The following NLGN1 variants were observed in gnomAD, a reference collection of about 807,000 sequenced individuals.
The protein encoded by NLGN1 is neuroligin 1, also known as neuroligin-1.
Under a neutral mutation model 65.5 loss-of-function variants are expected in NLGN1, and 12 were observed. The ratio of observed to expected loss-of-function variants is 0.18; its 90% CI spans 0.12 to 0.30. The LOEUF (loss-of-function observed/expected upper bound fraction) is 0.30, where lower values mean the gene tolerates loss of function less well. NLGN1 is among the 10% of genes least tolerant of loss of function. The pLI, the probability that NLGN1 is intolerant of heterozygous loss-of-function variation, is 1.00. For missense variants in NLGN1, 750 were observed against 1,007.1 expected, an observed-to-expected ratio of 0.74 and a Z score of 3.46; for synonymous variants, 350 against 359.5, an observed-to-expected ratio of 0.97 and a Z score of 0.30.
chr3:174,253,281 C>CCT (rs772401471), intron 4 of NLGN1, among the ~76,000 whole-genome samples: 1 of 152,112 alleles, frequency 6.6e-6, no homozygotes, highest in Non-Finnish European at 1.5e-5. Flanking sequence ...TCACTCTTTA[C>CCT]AGTAAAGTGC....
chr3:173,628,878 G>A lies in NLGN1; in HGVS notation c.493+23787G>A, dbSNP rs183282770. 3.3e-3 allele frequency among the ~76,000 whole-genome samples: 507 copies of A among 151,924 alleles called. 1 individual carries two copies. Among genetic ancestry groups the A allele is most frequent in the African/African-American group, 0.012 (489 of 41,442 alleles). On this transcript the variant is annotated intron_variant, in intron 3 of 6. Transcript: ENST00000457714. ...CCAGCTAATTTTTGTATTTTTAGTAGAGACAGGGTTTCACCATGTTGGCCA... is the reference window on the plus strand; with the variant it reads ...CCAGCTAATTTTTGTATTTTTAGTAAAGACAGGGTTTCACCATGTTGGCCA...
At chr3:174,083,256 T>C (rs185727037) in intron 4 of NLGN1, among the ~76,000 whole-genome samples, 79 of 152,274 alleles carry the variant, frequency 5.2e-4, no homozygotes, top group Non-Finnish European at 1.2e-4. Flanking sequence ...TGATTCCCCT[T>C]AGCAAGTTAG....
intron 2 of NLGN1, among the ~76,000 whole-genome samples, chr3:173,539,023 C>G (rs1347563862): frequency 1.3e-5 from 2 of 152,076 alleles, no homozygotes; most frequent in African/African-American, 4.8e-5. Flanking sequence ...TATAATCATA[C>G]ATCTGACCAT....
chr3:173,965,077 T>A (rs1175901257), intron 4 of NLGN1, among the ~76,000 whole-genome samples: 3 of 152,114 alleles, frequency 2.0e-5, no homozygotes, highest in Non-Finnish European at 4.4e-5. Flanking sequence ...CTTATAGGTA[T>A]TTTTTTAATA....
intron 4 of NLGN1, among the ~76,000 whole-genome samples, chr3:174,129,399 A>ACACACACACT (rs1161213144): frequency 7.1e-6 from 1 of 140,356 alleles, no homozygotes; most frequent in Non-Finnish European, 1.5e-5. Context: ...ACACACACAC[A>ACACACACACT]CTCATTCATT....
intron 2 of NLGN1, among the ~76,000 whole-genome samples, chr3:173,591,677 A>C (rs1426529862): frequency 1.3e-5 from 2 of 152,248 alleles, no homozygotes; most frequent in African/African-American, 4.8e-5. Flanking sequence ...TTCTCTGGCA[A>C]CAAGGGATTT....
chr3:173,980,325 T>C (rs934016969), intron 4 of NLGN1, among the ~76,000 whole-genome samples: 10 of 152,054 alleles, frequency 6.6e-5, no homozygotes, highest in Non-Finnish European at 1.5e-4. Flanking sequence ...TTCCGTTATT[T>C]AATCATAGTA....
chr3:173,682,578 GAC>G (rs1764094026), intron 3 of NLGN1, among the ~76,000 whole-genome samples: 1 of 101,326 alleles, frequency 9.9e-6, no homozygotes, highest in Admixed American at 1.6e-4. Context: ...GACAGAGTGA[GAC>G]ACTGTCTCAA....
intron 4 of NLGN1, among the ~76,000 whole-genome samples, chr3:174,025,625 TAA>T (rs1728679952): frequency 1.3e-5 from 2 of 152,012 alleles, no homozygotes; most frequent in African/African-American, 2.4e-5. Context: ...AACTTGCTAG[TAA>T]ATAGGAAAAA....
intron 2 of NLGN1, among the ~76,000 whole-genome samples, chr3:173,503,573 AT>A (rs1731518458): frequency 6.6e-6 from 1 of 151,910 alleles, no homozygotes; most frequent in Non-Finnish European, 1.5e-5. Flanking sequence ...AAATTAAATT[AT>A]TTGTTTTTCA....
rs377633862 is a variant in NLGN1, at chr3:173,821,617, G to T, written c.646+13785G>T. Among the ~76,000 whole-genome samples, 15 of 152,108 alleles carry T rather than the reference G, an allele frequency of 9.9e-5. No individual in the cohort carries two copies. The East Asian group carries it at 2.5e-3, about 26-fold the overall frequency. ...GAATATATTTGGCTCTTCTGTTTTAGTATCAATCTGTACTATTTACTAAAG... is the reference window on the plus strand; with the variant it reads ...GAATATATTTGGCTCTTCTGTTTTATTATCAATCTGTACTATTTACTAAAG... On this transcript the variant is annotated intron_variant, in intron 4 of 6. Coordinates refer to ENST00000457714, the Ensembl canonical transcript of NLGN1.
At chr3:174,088,757 A>AAAATAAAT (rs71162375) in intron 4 of NLGN1, among the ~76,000 whole-genome samples, 1,495 of 141,268 alleles carry the variant, frequency 0.011, 11 homozygotes, top group Middle Eastern at 0.029. Context: ...CATCTCAATA[A>AAAATAAAT]AAATAAATAA....
intron 3 of NLGN1, among the ~76,000 whole-genome samples, chr3:173,612,034 C>T (rs1248102715): frequency 6.6e-6 from 1 of 151,884 alleles, no homozygotes; most frequent in Non-Finnish European, 1.5e-5. Flanking sequence ...ATATTACTCA[C>T]CATTACACAT....
intron 4 of NLGN1, among the ~76,000 whole-genome samples, chr3:174,041,291 T>C (rs1732249520): frequency 6.6e-6 from 1 of 152,214 alleles, no homozygotes; most frequent in African/African-American, 2.4e-5. Context: ...TTTTGAGATC[T>C]ATCTATGTTG....
intron 4 of NLGN1, among the ~76,000 whole-genome samples, chr3:174,064,320 A>G (rs1043885112): frequency 3.9e-5 from 6 of 152,170 alleles, no homozygotes; most frequent in Non-Finnish European, 8.8e-5. Context: ...ATTAATGAAC[A>G]GGAACTTGAC....
chr3:174,237,432 T>G (rs190446310), intron 4 of NLGN1, among the ~76,000 whole-genome samples: 1 of 152,366 alleles, frequency 6.6e-6, no homozygotes, highest in Admixed American at 6.5e-5. Context: ...TTGCTTTTGA[T>G]TCATCATTCA....
intron 2 of NLGN1, among the ~76,000 whole-genome samples, chr3:173,550,816 A>G (rs537415619): frequency 8.5e-5 from 13 of 152,294 alleles, no homozygotes; most frequent in African/African-American, 2.2e-4. Context: ...CAGAAACATT[A>G]TAGACATTGA....
chr3:173,694,009 A>G (rs1224292284), intron 3 of NLGN1, among the ~76,000 whole-genome samples: 1 of 152,124 alleles, frequency 6.6e-6, no homozygotes, highest in African/African-American at 2.4e-5. Context: ...AAAGGAAAGT[A>G]TAAGAAAATA....
At chr3:173,447,607 G>C (rs1376292865) in intron 2 of NLGN1, among the ~76,000 whole-genome samples, 1 of 152,142 alleles carries the variant, frequency 6.6e-6, no homozygotes, top group African/African-American at 2.4e-5. Context: ...AAAGTCATTG[G>C]TAGCTTGATG....
Sources: gnomAD v4.1 joint callset for allele counts (sites outside exome capture counted in the v4.1 genomes callset) on GRCh38, gnomAD v4.1.1 for gene constraint, MANE v1.5 for transcripts, NCBI Gene and HGNC (gene_info 2026-07-23, HGNC 2026-07-21) for gene names.